The following WWC1 variants were observed in gnomAD, a reference collection of about 807,000 sequenced individuals.
WWC1 encodes the protein protein KIBRA.
WWC1 carries 55 observed loss-of-function variants against 138.4 expected under a neutral mutation model. The observed-to-expected ratio is 0.40, with a 90% CI of 0.32 to 0.50. The LOEUF (loss-of-function observed/expected upper bound fraction) is 0.50. Ranked by LOEUF, WWC1 falls within the 20% of genes least tolerant of loss-of-function variation. The pLI is 0.72. For synonymous variants in WWC1, 524 were observed against 564.9 expected, an observed-to-expected ratio of 0.93 and a Z score of 1.03; for missense variants, 1,226 against 1,420.4, an observed-to-expected ratio of 0.86 and a Z score of 2.20.
intron 1 of WWC1, among the ~76,000 whole-genome samples, chr5:168,339,826 C>CTTTCTTTCT (rs1432950860): frequency 1.0e-5 from 1 of 98,330 alleles, no homozygotes; most frequent in African/African-American, 3.3e-5. Flanking sequence ...TTCTTTCTTT[C>CTTTCTTTCT]TTTCTTTTTC....
At chr5:168,298,966 TC>T (rs1197224249) in intron 1 of WWC1, among the ~76,000 whole-genome samples, 1 of 152,098 alleles carries the variant, frequency 6.6e-6, no homozygotes, top group Non-Finnish European at 1.5e-5. Flanking sequence ...GCACCTGTAA[TC>T]CCAGCTACTC....
At chr5:168,385,467 C>T (rs1212008846) in intron 3 of WWC1, 53 bp downstream of exon 3, 1 of 1,567,874 alleles carries the variant, frequency 6.4e-7, no homozygotes, top group Non-Finnish European at 8.7e-7. Flanking sequence ...AGAATGGCCA[C>T]ACTGAGTTCT....
At chr5:168,352,656 T>G (rs1467892191) in intron 1 of WWC1, among the ~76,000 whole-genome samples, 2 of 151,806 alleles carry the variant, frequency 1.3e-5, no homozygotes, top group African/African-American at 2.4e-5. Flanking sequence ...TGATCTCGGC[T>G]CGCTGCAACC....
At chr5:168,335,050 A>T (rs1223970120) in intron 1 of WWC1, among the ~76,000 whole-genome samples, 1 of 152,214 alleles carries the variant, frequency 6.6e-6, no homozygotes, top group Non-Finnish European at 1.5e-5. Flanking sequence ...CTAAAAAAAA[A>T]ATAAGATAAA....
At chr5:168,331,547 A>G (rs533014895) in intron 1 of WWC1, among the ~76,000 whole-genome samples, 2 of 152,318 alleles carry the variant, frequency 1.3e-5, no homozygotes, top group African/African-American at 4.8e-5. Flanking sequence ...GTGATTGATC[A>G]GTTTTAAGAT....
chr5:168,393,509 A>G (rs1247948327), intron 3 of WWC1, among the ~76,000 whole-genome samples: 1 of 152,238 alleles, frequency 6.6e-6, no homozygotes, highest in South Asian at 2.1e-4. Context: ...CTAGAATTCT[A>G]TATCCAGCAA....
rs548712871 is a variant in WWC1 at position 168,452,350 on chromosome 5, A to G, written c.2526-1618A>G. On this transcript the variant is annotated intron_variant, in intron 17 of 22. Coordinates refer to ENST00000265293, the MANE Select transcript of WWC1 (RefSeq NM_015238.3). ...TCAGAATGTGACTGTATTTGGAGGT[A>G]GGGCTTTTAAAGAGGTGGTTAACAC... is the stretch of plus-strand genomic sequence containing the variant. Among the ~76,000 whole-genome samples, 34 of 152,338 alleles carry G rather than the reference A, an allele frequency of 2.2e-4. No individual in the cohort carries two copies. The East Asian group carries it at 6.2e-3, about 28-fold the overall frequency.
chr5:168,350,808 C>T (rs541962957), intron 1 of WWC1, among the ~76,000 whole-genome samples: 3 of 152,086 alleles, frequency 2.0e-5, no homozygotes, highest in South Asian at 2.1e-4. Context: ...ACTGGTGCAC[C>T]CTCTTCCCAA....
At position 168,399,508 on chromosome 5, in the gene WWC1, G is replaced by A; in HGVS notation, c.531G>A (p.Glu177=). 6.2e-7 allele frequency: 1 copy of A among 1,614,194 alleles called. No individual in the cohort carries two copies. Among genetic ancestry groups the A allele is most frequent in the Non-Finnish European group, 8.5e-7 (1 of 1,180,036 alleles). The change falls in exon 5 of 23, where the codon GAG becomes GAA. Residue 177 remains glutamate, a synonymous_variant. Coordinates refer to ENST00000265293, the MANE Select transcript of WWC1 (RefSeq NM_015238.3). Reference sequence around the variant, plus strand: ...TCCAGGTCAACAAGCTGAAGAGAGAGATGGTTCACCTCCAGCACGAGCTGC... The same window carrying A: ...TCCAGGTCAACAAGCTGAAGAGAGAAATGGTTCACCTCCAGCACGAGCTGC... ...AKSRVNKLKR[E]MVHLQHELQF... is the part of the protein sequence containing the mutation.
chr5:168,328,585 C>T (rs1005110844), intron 1 of WWC1, among the ~76,000 whole-genome samples: 2 of 151,976 alleles, frequency 1.3e-5, no homozygotes, highest in African/African-American at 4.8e-5. Context: ...CTTGCTCTGT[C>T]GTCCCAACTG....
rs374924948 is a variant in WWC1, at chr5:168,468,980, G to A, written c.3305G>A (p.Arg1102Gln). The change falls in exon 23 of 23, where the codon CGG becomes CAG. Residue 1102 changes from arginine (R) to glutamine (Q), a missense_variant. This residue lies in a region of WWC1 where 206 missense variants were observed against 247.4 expected (regional missense o/e 0.83). Coordinates refer to ENST00000265293, the MANE Select transcript of WWC1 (RefSeq NM_015238.3). The part of the protein sequence containing the change: ...REKMAFFTRP[R>Q]MNIPALSADD... ...AAGATGGCATTTTTCACCCGGCCTC[G>A]GATGAATATCCCAGCTCTCTCTGCA... 55 of 1,614,070 alleles carry A rather than the reference G, an allele frequency of 3.4e-5. No individual in the cohort carries two copies. The highest frequency in any genetic ancestry group is 3.3e-4 in the Middle Eastern group (2 of 6,084).
intron 5 of WWC1, among the ~76,000 whole-genome samples, chr5:168,401,538 T>A (rs1779309314): frequency 6.6e-6 from 1 of 152,194 alleles, no homozygotes; most frequent in South Asian, 2.1e-4. Flanking sequence ...AGGGACCAGT[T>A]GGTTCTTTTT....
rs760439231 is a variant in WWC1, at chr5:168,423,575, C to T, written c.1317C>T (p.Pro439=). The change falls in exon 11 of 23, where the codon CCC becomes CCT. Residue 439 remains proline, a synonymous_variant. Transcript: ENST00000265293. ...SMQSLSSGSS[P]GSLTSSRGSL... ...AGTCCCTGTCCTCAGGCAGCAGCCC[C>T]GGATCCCTCACGTCCAGCCGGGGCT... is the stretch of plus-strand genomic sequence containing the variant. 8.2e-5 allele frequency: 132 copies of T among 1,613,798 alleles called. No homozygotes were observed. Among genetic ancestry groups the T allele is most frequent in the Middle Eastern group, 1.6e-4 (1 of 6,078 alleles).
Position 168,464,802 on chromosome 5 carries a change from C to T in WWC1, c.2990C>T (p.Ala997Val), listed in dbSNP as rs527539467. The change falls in exon 21 of 23, where the codon GCG becomes GTG. Residue 997 changes from alanine (A) to valine (V), a missense_variant. By Grantham distance (64) the Ala-to-Val change is moderately conservative. Around this residue, in one of 3 missense-constraint regions of WWC1, gnomAD observed 206 missense variants for 247.4 expected, o/e 0.83. Transcript: ENST00000265293. ...TSLDLELDLQ[A>V]TRTWHSQLTQ... ...CTGGACCTGGAGTTAGACCTGCAGG[C>T]GACAAGAACCTGGCACAGCCAATTG... The T allele has an allele frequency of 4.4e-5, 71 of 1,614,154 alleles. No individual in the cohort carries two copies. The South Asian group carries it at 6.0e-4, about 14-fold the overall frequency.
At chr5:168,364,888 T>C (rs1776172130) in intron 1 of WWC1, among the ~76,000 whole-genome samples, 1 of 152,192 alleles carries the variant, frequency 6.6e-6, no homozygotes, top group African/African-American at 2.4e-5. Flanking sequence ...CTCTAGACTG[T>C]AAGGGCAGGG....
chr5:168,344,705 G>C (rs143049309), intron 1 of WWC1, among the ~76,000 whole-genome samples: 2,668 of 152,300 alleles, frequency 0.018, 35 homozygotes, highest in Middle Eastern at 0.031. Context: ...CAGGAAGCAG[G>C]GGCTGCTTGA....
At chr5:168,298,747 A>T (rs555244724) in intron 1 of WWC1, among the ~76,000 whole-genome samples, 1 of 152,272 alleles carries the variant, frequency 6.6e-6, no homozygotes, top group East Asian at 1.9e-4. Flanking sequence ...TTCAACAGCC[A>T]TATGGGGTAA....
Position 168,300,951 on chromosome 5 carries a change from G to A in WWC1, c.119+8680G>A, listed in dbSNP as rs542368787. 1.2e-4 allele frequency among the ~76,000 whole-genome samples: 19 copies of A among 152,262 alleles called. No homozygotes were observed. In the East Asian group the frequency reaches 3.3e-3, roughly 26 times the overall value. ...CTGTCGTGGCTTTTCTTGGAGAGTC[G>A]GGCTGTGAGCATTTCACTGTATTCC... On this transcript the variant is annotated intron_variant, in intron 1 of 22. Coordinates refer to ENST00000265293, the MANE Select transcript of WWC1 (RefSeq NM_015238.3).
chr5:168,323,277 G>A (rs1258574292), intron 1 of WWC1, among the ~76,000 whole-genome samples: 1 of 152,176 alleles, frequency 6.6e-6, no homozygotes, highest in Non-Finnish European at 1.5e-5. Flanking sequence ...TGGGTACAGT[G>A]GCTCACACCT....
Sources: gnomAD v4.1 joint callset for allele counts (sites outside exome capture counted in the v4.1 genomes callset) on GRCh38, gnomAD v4.1.1 for gene constraint, gnomAD v4.1.1 regional missense constraint, MANE v1.5 for transcripts, NCBI Gene and HGNC (gene_info 2026-07-23, HGNC 2026-07-21) for gene names.